The following DPP10 variants were observed in gnomAD, a reference collection of about 807,000 sequenced individuals.
DPP10 encodes the protein dipeptidyl peptidase like 10.
Under a neutral mutation model 120.9 loss-of-function variants are expected in DPP10, and 33 were observed. That is an observed-to-expected ratio of 0.27 (90% CI 0.21 to 0.37). The LOEUF is 0.37. Ranked by LOEUF, DPP10 falls within the 10% of genes least tolerant of loss-of-function variation. The pLI, the probability that DPP10 is intolerant of heterozygous loss-of-function variation, is 1.00. For missense variants in DPP10, 816 were observed against 942.8 expected (o/e 0.87, Z 1.76); for synonymous variants, 337 against 326.1 (o/e 1.03, Z -0.36).
chr2:115,715,811 A>G (rs2092474944), intron 7 of DPP10, among the ~76,000 whole-genome samples: 1 of 152,258 alleles, frequency 6.6e-6, no homozygotes, highest in South Asian at 2.1e-4. Context: ...ATATATATTT[A>G]CATGTTTCTT....
chr2:115,518,652 ATAAT>A (rs1469586087), intron 4 of DPP10, among the ~76,000 whole-genome samples: 1 of 152,038 alleles, frequency 6.6e-6, no homozygotes, highest in African/African-American at 2.4e-5. Context: ...TTTTAAAATA[ATAAT>A]TATATTATTT....
At chr2:115,552,564 A>G (rs2079940803) in intron 5 of DPP10, among the ~76,000 whole-genome samples, 1 of 151,974 alleles carries the variant, frequency 6.6e-6, no homozygotes, top group South Asian at 2.1e-4. Context: ...TTGGCATGTG[A>G]TAGGTATTTT....
chr2:115,368,305 G>A (rs1375954663), intron 3 of DPP10, among the ~76,000 whole-genome samples: 3 of 152,090 alleles, frequency 2.0e-5, no homozygotes, highest in Non-Finnish European at 4.4e-5. Context: ...TAGCCCCTGG[G>A]GGCCATTGTG....
chr2:114,975,568 T>A (rs976609383), intron 1 of DPP10, among the ~76,000 whole-genome samples: 2 of 152,218 alleles, frequency 1.3e-5, no homozygotes, highest in Admixed American at 1.3e-4. Flanking sequence ...TTTGTGCTAA[T>A]ACAAAAATGT....
intron 1 of DPP10, among the ~76,000 whole-genome samples, chr2:114,682,371 C>G (rs1302991944): frequency 1.3e-5 from 2 of 151,932 alleles, no homozygotes; most frequent in African/African-American, 4.8e-5. Flanking sequence ...GAGGCTCATT[C>G]AACCCTGAGA....
intron 5 of DPP10, among the ~76,000 whole-genome samples, chr2:115,546,454 T>A (rs910424899): frequency 6.6e-6 from 1 of 152,068 alleles, no homozygotes; most frequent in Non-Finnish European, 1.5e-5. Flanking sequence ...GGATAGAAAA[T>A]GTATTTTCTT....
chr2:115,622,757 T>G (rs2149287378), intron 5 of DPP10, among the ~76,000 whole-genome samples: 1 of 152,048 alleles, frequency 6.6e-6, no homozygotes, highest in Admixed American at 6.6e-5. Flanking sequence ...GGATCCCTAA[T>G]GATAATAGGC....
chr2:115,589,304 T>G (rs1326805230), intron 5 of DPP10, among the ~76,000 whole-genome samples: 2 of 152,192 alleles, frequency 1.3e-5, no homozygotes, highest in Non-Finnish European at 2.9e-5. Flanking sequence ...ATTTTATCAA[T>G]ACATGCTTTA....
At chr2:115,561,233 CCTGTAA>C (rs2080644175) in intron 5 of DPP10, among the ~76,000 whole-genome samples, 2 of 151,786 alleles carry the variant, frequency 1.3e-5, no homozygotes, top group Admixed American at 1.3e-4. Flanking sequence ...GTGGCACGCA[CCTGTAA>C]TCCCAGCTAC....
intron 1 of DPP10, among the ~76,000 whole-genome samples, chr2:115,068,216 T>A (rs1437043381): frequency 1.3e-5 from 2 of 152,148 alleles, no homozygotes; most frequent in African/African-American, 4.8e-5. Flanking sequence ...TTTCACACCC[T>A]CACCAACACT....
At chr2:115,650,710 G>T (rs550993237) in intron 5 of DPP10, among the ~76,000 whole-genome samples, 1 of 152,036 alleles carries the variant, frequency 6.6e-6, no homozygotes, top group Admixed American at 6.6e-5. Context: ...GTATTTCCTA[G>T]TGTAGCCATA....
chr2:115,723,182 T>C (rs1179291690), intron 7 of DPP10, among the ~76,000 whole-genome samples: 1 of 152,162 alleles, frequency 6.6e-6, no homozygotes, highest in Non-Finnish European at 1.5e-5. Context: ...TAAAAAACCA[T>C]ATAGGGGCAG....
intron 3 of DPP10, among the ~76,000 whole-genome samples, chr2:115,497,675 A>G (rs113367180): frequency 6.6e-6 from 1 of 152,064 alleles, no homozygotes; most frequent in Non-Finnish European, 1.5e-5. Context: ...TAAAAAATTC[A>G]TAGAGGGAAT....
intron 3 of DPP10, among the ~76,000 whole-genome samples, chr2:115,484,737 G>A (rs1046963098): frequency 3.3e-5 from 5 of 152,104 alleles, no homozygotes; most frequent in African/African-American, 1.2e-4. Flanking sequence ...AGTCATGCAT[G>A]TCTGCATGAA....
intron 22 of DPP10, 43 bp downstream of exon 22, chr2:115,836,299 T>A: frequency 6.4e-7 from 1 of 1,550,788 alleles, no homozygotes; most frequent in Non-Finnish European, 8.8e-7. Context: ...TGTATTGATT[T>A]GTAGAAAACG....
At position 115,139,704 on chromosome 2, in the gene DPP10, G is replaced by A. The variant is rs1300411655; in HGVS notation, c.61-169535G>A. Reference sequence around the variant, plus strand: ...TTGAATAGCCTGCAATTGGAAGGTAGATCTAAGAAGTAAAAATACTAAAAA... The same window carrying A: ...TTGAATAGCCTGCAATTGGAAGGTAAATCTAAGAAGTAAAAATACTAAAAA... On this transcript the variant is annotated intron_variant, in intron 1 of 25. Transcript: ENST00000410059. 3.2e-5 allele frequency among the ~76,000 whole-genome samples: 3 copies of A among 92,342 alleles called. No homozygotes were observed. In the South Asian group the frequency reaches 1.1e-3, roughly 35 times the overall value. 60.6% of individuals were successfully genotyped at this position (92,342 alleles called of 152,430 possible).
intron 1 of DPP10, among the ~76,000 whole-genome samples, chr2:115,107,531 C>T (rs924448924): frequency 7.4e-6 from 1 of 135,662 alleles, no homozygotes; most frequent in African/African-American, 2.7e-5. Context: ...GCCAAAATTT[C>T]GACAGCTGTT....
At chr2:114,592,911 T>C (rs1691582445) in intron 1 of DPP10, among the ~76,000 whole-genome samples, 1 of 152,216 alleles carries the variant, frequency 6.6e-6, no homozygotes, top group African/African-American at 2.4e-5. Flanking sequence ...TGGTATATAA[T>C]ACTGCCTCTT....
chr2:115,652,071 A>G (rs1003479735), intron 5 of DPP10, among the ~76,000 whole-genome samples: 1 of 152,090 alleles, frequency 6.6e-6, no homozygotes. Context: ...TTTATCTTTA[A>G]AGACTGTTTT....
Sources: allele counts gnomAD v4.1 joint callset (sites outside exome capture counted in the v4.1 genomes callset), GRCh38; gene constraint gnomAD v4.1.1; transcripts MANE v1.5; gene names NCBI Gene and HGNC (gene_info 2026-07-23, HGNC 2026-07-21).